DEPTOR: variants seen among roughly 807,000 people sequenced by gnomAD.
The protein encoded by DEPTOR is DEP domain-containing mTOR-interacting protein.
DEPTOR carries 41 observed loss-of-function variants against 41.6 expected under a neutral mutation model. The observed-to-expected ratio is 0.98, with a 90% CI of 0.77 to 1.28. The LOEUF (loss-of-function observed/expected upper bound fraction) is 1.28. Among genes scored for constraint, DEPTOR ranks in the 50% most tolerant of loss-of-function variants. The pLI is 0.00. For synonymous variants in DEPTOR, 195 were observed against 192.3 expected (o/e 1.01, Z -0.12); for missense variants, 514 against 527.9 (o/e 0.97, Z 0.26).
chr8:120,033,306 C>T (rs757497120), intron 8 of DEPTOR, among the ~76,000 whole-genome samples: 5 of 151,972 alleles, frequency 3.3e-5, no homozygotes, highest in Middle Eastern at 3.2e-3. Flanking sequence ...AGGCTGGCCT[C>T]GAACTCCTAA....
chr8:119,887,613 C>A (rs1827389979), intron 1 of DEPTOR, among the ~76,000 whole-genome samples: 1 of 149,594 alleles, frequency 6.7e-6, no homozygotes, highest in Non-Finnish European at 1.5e-5. Context: ...GATTCTCCTG[C>A]TTCAGCCTAC....
chr8:120,012,728 G>A (rs1812547774), intron 8 of DEPTOR, among the ~76,000 whole-genome samples: 1 of 151,962 alleles, frequency 6.6e-6, no homozygotes, highest in African/African-American at 2.4e-5. Context: ...GTAGAGACAG[G>A]GTTTCACCAT....
intron 4 of DEPTOR, among the ~76,000 whole-genome samples, chr8:119,970,956 C>T (rs987809214): frequency 1.3e-5 from 2 of 152,054 alleles, no homozygotes; most frequent in Non-Finnish European, 2.9e-5. Flanking sequence ...ATCGGCCGGG[C>T]ACAGTGGCTC....
chr8:120,019,770 A>C (rs1304155033), intron 8 of DEPTOR, among the ~76,000 whole-genome samples: 1 of 152,174 alleles, frequency 6.6e-6, no homozygotes, highest in Non-Finnish European at 1.5e-5. Context: ...AATAAATCTG[A>C]ATAATTCTTC....
chr8:119,887,792 A>G (rs965573898), intron 1 of DEPTOR, among the ~76,000 whole-genome samples: 15 of 148,232 alleles, frequency 1.0e-4, no homozygotes, highest in Admixed American at 6.1e-4. Flanking sequence ...GGTGTGAGCC[A>G]CTGCAGCTGT....
At chr8:120,025,355 A>C (rs530474528) in intron 8 of DEPTOR, among the ~76,000 whole-genome samples, 1 of 150,548 alleles carries the variant, frequency 6.6e-6, no homozygotes, top group East Asian at 1.9e-4. Flanking sequence ...AATTCCACCC[A>C]CCATTTTTTT....
chr8:120,049,352 G>A (rs957450520), intron 8 of DEPTOR, among the ~76,000 whole-genome samples: 1 of 151,210 alleles, frequency 6.6e-6, no homozygotes, highest in African/African-American at 2.4e-5. Context: ...TAGGATTTAA[G>A]CCAAATTTTG....
intron 8 of DEPTOR, among the ~76,000 whole-genome samples, chr8:120,009,388 A>G (rs1381643552): frequency 6.6e-6 from 1 of 151,986 alleles, no homozygotes; most frequent in East Asian, 1.9e-4. Flanking sequence ...CAAGGCAGAC[A>G]TATCACTTGA....
intron 8 of DEPTOR, among the ~76,000 whole-genome samples, chr8:120,028,312 C>T (rs7817522): frequency 0.28 from 42,840 of 151,498 alleles, 6,394 homozygotes; most frequent in South Asian, 0.47. Context: ...TGAGCCACTA[C>T]GCCTGGCCTA....
intron 3 of DEPTOR, among the ~76,000 whole-genome samples, chr8:119,939,882 C>G (rs1828179284): frequency 6.8e-6 from 1 of 147,436 alleles, no homozygotes; most frequent in African/African-American, 2.7e-5. Flanking sequence ...GATGGTGCAG[C>G]AGTTATGACA....
intron 1 of DEPTOR, among the ~76,000 whole-genome samples, chr8:119,928,159 G>T (rs1341150117): frequency 6.6e-6 from 1 of 152,012 alleles, no homozygotes; most frequent in Non-Finnish European, 1.5e-5. Flanking sequence ...GTGGCAGGAG[G>T]GTTCTGGGTT....
chr8:119,895,308 T>A (rs955066124), intron 1 of DEPTOR, among the ~76,000 whole-genome samples: 1 of 152,228 alleles, frequency 6.6e-6, no homozygotes, highest in African/African-American at 2.4e-5. Context: ...TGCACATTTC[T>A]GTCCTGTTTG....
chr8:119,925,053 A>T (rs754921538), intron 1 of DEPTOR, among the ~76,000 whole-genome samples: 2 of 152,190 alleles, frequency 1.3e-5, no homozygotes, highest in African/African-American at 4.8e-5. Context: ...AGGAAGATAC[A>T]TGGCCGTGGG....
chr8:119,952,016 T>A (rs531744925), intron 3 of DEPTOR, among the ~76,000 whole-genome samples: 1 of 152,224 alleles, frequency 6.6e-6, no homozygotes, highest in Admixed American at 6.5e-5. Context: ...ACGCCTGTAA[T>A]CCCAGCTACT....
intron 8 of DEPTOR, among the ~76,000 whole-genome samples, chr8:120,024,547 A>G (rs1230387063): frequency 6.6e-6 from 1 of 152,132 alleles, no homozygotes; most frequent in African/African-American, 2.4e-5. Context: ...TCCTTCTAAG[A>G]AGGGGAAATT....
At chr8:119,912,768 T>C (rs1257846321) in intron 1 of DEPTOR, among the ~76,000 whole-genome samples, 1 of 152,248 alleles carries the variant, frequency 6.6e-6, no homozygotes, top group Non-Finnish European at 1.5e-5. Context: ...TTGTGCTCCC[T>C]GGCCTTGTGG....
intron 1 of DEPTOR, among the ~76,000 whole-genome samples, chr8:119,897,551 A>C (rs562292623): frequency 6.6e-6 from 1 of 152,250 alleles, no homozygotes; most frequent in South Asian, 2.1e-4. Context: ...AATTCAAAAA[A>C]TTATTTGGTA....
intron 8 of DEPTOR, among the ~76,000 whole-genome samples, chr8:120,020,606 C>T (rs1192021041): frequency 6.6e-6 from 1 of 152,174 alleles, no homozygotes; most frequent in Non-Finnish European, 1.5e-5. Flanking sequence ...TTTGTGTTCA[C>T]GTAGGGCTTG....
chr8:119,958,582 G>C (rs1396828010), intron 3 of DEPTOR, among the ~76,000 whole-genome samples: 1 of 152,034 alleles, frequency 6.6e-6, no homozygotes, highest in Non-Finnish European at 1.5e-5. Context: ...AGGAGTTTGA[G>C]ACCAGCCTGA....
Sources: allele counts gnomAD v4.1 joint callset (sites outside exome capture counted in the v4.1 genomes callset), GRCh38; gene constraint gnomAD v4.1.1; transcripts MANE v1.5; gene names NCBI Gene and HGNC (gene_info 2026-07-23, HGNC 2026-07-21).